The following UTS2B variants were observed in gnomAD, a reference collection of about 807,000 sequenced individuals.
UTS2B encodes the protein urotensin 2B.
Under a neutral mutation model 19.2 loss-of-function variants are expected in UTS2B, and 21 were observed. The ratio of observed to expected loss-of-function variants is 1.09; its 90% CI spans 0.78 to 1.58. The LOEUF is 1.58. UTS2B is among the 40% of genes most tolerant of loss of function. The probability of loss-of-function intolerance (pLI) is 0.00; values close to 1 mark genes in which losing one functional copy is unlikely to be tolerated. For missense variants in UTS2B, 138 were observed against 130.3 expected, an observed-to-expected ratio of 1.06 and a Z score of -0.29; for synonymous variants, 57 against 50.2, an observed-to-expected ratio of 1.14 and a Z score of -0.58.
intron 3 of UTS2B, among the ~76,000 whole-genome samples, chr3:191,307,827 G>T (rs370338824): frequency 2.6e-3 from 228 of 86,726 alleles, no homozygotes; most frequent in African/African-American, 7.6e-3. Context: ...TTTTCTTTTC[G>T]TTTTCTTCTC....
chr3:191,328,204 G>T (rs558268655), intron 2 of UTS2B: 88 of 152,168 alleles, frequency 5.8e-4, no homozygotes, highest in African/African-American at 1.9e-3. Flanking sequence ...CCTCCCCTAC[G>T]TGGCCTCTCA....
chr3:191,324,140 CAAG>C (rs1364114130), intron 2 of UTS2B, among the ~76,000 whole-genome samples: 2 of 152,224 alleles, frequency 1.3e-5, no homozygotes, highest in East Asian at 1.9e-4. Flanking sequence ...GGAGGCTTTA[CAAG>C]AAGAAGAGAG....
intron 3 of UTS2B, among the ~76,000 whole-genome samples, chr3:191,308,423 C>A (rs1383669258): frequency 1.3e-5 from 2 of 152,156 alleles, no homozygotes; most frequent in African/African-American, 4.8e-5. Context: ...TGTATTACCT[C>A]AAAAATTCAA....
chr3:191,340,838 A>G, the UTS2B span, among the ~76,000 whole-genome samples: 3 of 152,076 alleles, frequency 2.0e-5, no homozygotes, highest in East Asian at 1.9e-4. Context: ...TTCAGATTCT[A>G]TTTCTTTTTC....
intron 4 of UTS2B, among the ~76,000 whole-genome samples, chr3:191,300,347 C>T (rs1255165470): frequency 1.3e-5 from 2 of 152,234 alleles, no homozygotes; most frequent in Non-Finnish European, 2.9e-5. Context: ...CGTGCCTGGC[C>T]TGTAGCCCCT....
chr3:191,332,619 G>A (rs964307495), upstream of UTS2B, among the ~76,000 whole-genome samples: 2 of 152,238 alleles, frequency 1.3e-5, no homozygotes, highest in African/African-American at 4.8e-5. Context: ...GTTAGGGAAA[G>A]GAACAGGCAT....
At chr3:191,279,214 T>A (rs1221921804) in intron 5 of UTS2B, among the ~76,000 whole-genome samples, 1 of 152,060 alleles carries the variant, frequency 6.6e-6, no homozygotes, top group Non-Finnish European at 1.5e-5. Flanking sequence ...AGATACCTAA[T>A]TGTTGCTCAA....
At chr3:191,329,641 C>T (rs1406640111) in intron 1 of UTS2B, 1 of 1,597,094 alleles carries the variant, frequency 6.3e-7, no homozygotes, top group Admixed American at 1.7e-5. Flanking sequence ...CCGGGAAGCC[C>T]GCGTTAAAGG....
intron 7 of UTS2B, among the ~76,000 whole-genome samples, chr3:191,276,031 A>G (rs1326235150): frequency 4.6e-5 from 7 of 152,182 alleles, no homozygotes; most frequent in Non-Finnish European, 8.8e-5. Flanking sequence ...AGGAGCTACA[A>G]ATTATTGTGT....
intron 3 of UTS2B, among the ~76,000 whole-genome samples, chr3:191,313,638 AT>A (rs1260738099): frequency 3.9e-5 from 6 of 152,160 alleles, no homozygotes; most frequent in Non-Finnish European, 8.8e-5. Context: ...TCACCTGCAC[AT>A]AGACGCAGCT....
At chr3:191,273,668 A>G (rs192393283) in intron 8 of UTS2B, 20 of 447,916 alleles carry the variant, frequency 4.5e-5, no homozygotes, top group African/African-American at 3.4e-4. Flanking sequence ...TTAACACCTA[A>G]TAGCCTAAGC....
At chr3:191,280,334 T>C (rs577747212) in intron 5 of UTS2B, among the ~76,000 whole-genome samples, 1 of 152,294 alleles carries the variant, frequency 6.6e-6, no homozygotes, top group East Asian at 1.9e-4. Flanking sequence ...ATATGGTCCC[T>C]ACCAGATGTA....
rs1481961809 is a variant in UTS2B, at chr3:191,276,816, T to G, written c.231A>C (p.Glu77Asp). The G allele has an allele frequency of 6.2e-7, 1 of 1,612,160 alleles. No homozygotes were observed. Among genetic ancestry groups the G allele is most frequent in the Non-Finnish European group, 8.5e-7 (1 of 1,179,316 alleles). Reference protein sequence around the residue: ...TDLALPNKLEELNQLEKLKEQ... With the variant: ...TDLALPNKLEDLNQLEKLKEQ... ...TATTTCACATTCTCACCTGGTTAAG[T>G]TCTTCCAGTTTGTTAGGTAAGGCTA... Residue 77 changes from glutamate to aspartate, a missense_variant, in exon 7 of 9, where the codon GAA becomes GAC. Coordinates refer to ENST00000340524, the MANE Select transcript of UTS2B (RefSeq NM_198152.5).
At chr3:191,301,478 T>C (rs986903727) in intron 4 of UTS2B, among the ~76,000 whole-genome samples, 1 of 143,348 alleles carries the variant, frequency 7.0e-6, no homozygotes, top group Non-Finnish European at 1.5e-5. Flanking sequence ...ACTAAATTTT[T>C]GGTAATTTTT....
intron 4 of UTS2B, among the ~76,000 whole-genome samples, chr3:191,290,213 A>T (rs987044322): frequency 6.6e-6 from 1 of 152,222 alleles, no homozygotes; most frequent in Non-Finnish European, 1.5e-5. Flanking sequence ...AAAATACTAA[A>T]TTCTTGTCAT....
intron 5 of UTS2B, among the ~76,000 whole-genome samples, 165 bp downstream of exon 5, chr3:191,281,922 T>C (rs1716397741): frequency 6.6e-6 from 1 of 152,126 alleles, no homozygotes; most frequent in South Asian, 2.1e-4. Context: ...GCATTGAAGA[T>C]GACATTTAAT....
chr3:191,301,680 G>A (rs1012196486), intron 4 of UTS2B, among the ~76,000 whole-genome samples: 7 of 151,792 alleles, frequency 4.6e-5, no homozygotes, highest in South Asian at 2.1e-4. Flanking sequence ...TAGTAGAGAC[G>A]GGGTTTCACC....
the UTS2B span, among the ~76,000 whole-genome samples, chr3:191,343,088 T>G: frequency 5.9e-5 from 9 of 152,290 alleles, no homozygotes; most frequent in Admixed American, 2.6e-4. Context: ...GCAAGGCCTG[T>G]GTATACTGAG....
chr3:191,274,488 C>T (rs1434007624), intron 8 of UTS2B, among the ~76,000 whole-genome samples: 1 of 152,092 alleles, frequency 6.6e-6, no homozygotes, highest in Non-Finnish European at 1.5e-5. Flanking sequence ...TCCAAGGTTG[C>T]GTAGGTAGTC....
Sources: allele counts gnomAD v4.1 joint callset (sites outside exome capture counted in the v4.1 genomes callset), GRCh38; gene constraint gnomAD v4.1.1; transcripts MANE v1.5; gene names NCBI Gene and HGNC (gene_info 2026-07-23, HGNC 2026-07-21).